Variants in GET4 observed in about 807,000 individuals in gnomAD.
GET4 encodes guided entry of tail-anchored proteins factor 4, also known as Golgi to ER traffic protein 4 homolog.
GET4 carries 20 observed loss-of-function variants against 40.0 expected under a neutral mutation model. The observed-to-expected ratio is 0.50, with a 90% CI of 0.35 to 0.73. The LOEUF (loss-of-function observed/expected upper bound fraction) is 0.73. GET4 is among the 30% of genes least tolerant of loss of function. The pLI, the probability that GET4 is intolerant of heterozygous loss-of-function variation, is 0.01. For synonymous variants in GET4, 280 were observed against 194.6 expected, an observed-to-expected ratio of 1.44 and a Z score of -3.65; for missense variants, 557 against 454.0, an observed-to-expected ratio of 1.23 and a Z score of -2.06.
At chr7:887,215 G>C (rs760139177) in intron 3 of GET4, 155 bp from the exon 4 acceptor site, 3 of 821,070 alleles carry the variant, frequency 3.7e-6, no homozygotes, top group Admixed American at 3.5e-5. Flanking sequence ...GCGGTGGGCA[G>C]CTCAGTGTGG....
At chr7:885,966 C>A in intron 1 of GET4, 90 bp from the exon 2 acceptor site, 1 of 817,828 alleles carries the variant, frequency 1.2e-6, no homozygotes, top group Non-Finnish European at 2.1e-6. Flanking sequence ...TTCCTGGGCG[C>A]CTTGTTTTTA....
rs78262483 is a variant in GET4 at position 886,159 on chromosome 7, A to G, written c.234+25A>G. Reference sequence around the variant, plus strand: ...GGTAAGCCGTCTTGCTTCCTCCTGCATCCCTTTCTGCTCCGGGCAGGCAAG... The same window carrying G: ...GGTAAGCCGTCTTGCTTCCTCCTGCGTCCCTTTCTGCTCCGGGCAGGCAAG... On this transcript the variant is annotated intron_variant, in intron 2 of 8. Coordinates refer to ENST00000265857, the MANE Select transcript of GET4 (RefSeq NM_015949.3). 0.015 allele frequency: 22,140 copies of G among 1,481,114 alleles called. 733 individuals are homozygous for G. The East Asian group carries it at 0.15, about 10-fold the overall frequency. 91.7% of individuals were successfully genotyped at this position (1,481,114 alleles called of 1,614,324 possible). A position where few individuals can be genotyped will look rare whatever the true frequency, so the allele number is the denominator to read the frequency against.
chr7:896,085 T>C lies in GET4; in HGVS notation c.*663T>C, dbSNP rs908724767. 1 of 152,260 alleles carries C rather than the reference T, an allele frequency of 6.6e-6. No individual in the cohort carries two copies. The highest frequency in any genetic ancestry group is 1.5e-5 in the Non-Finnish European group (1 of 68,042). The allele number at this position is 152,260 out of a possible 1,614,324, so 9.4% of individuals were successfully genotyped here. A position where few individuals can be genotyped will look rare whatever the true frequency, so the allele number is the denominator to read the frequency against. On this transcript the variant is annotated 3_prime_UTR_variant, in exon 9 of 9. Transcript: ENST00000265857. ...GGTCTCTGTGAGCGCCACGCTGCTG[T>C]GCTGGAAATGCCGCTTTAAAAAGGG...
chr7:878,462 C>T (rs1167030596), intron 1 of GET4: 2 of 444,534 alleles, frequency 4.5e-6, no homozygotes, highest in Non-Finnish European at 9.4e-6. Context: ...CCATGGGGTA[C>T]CTTCTAAACT....
intron 8 of GET4, among the ~76,000 whole-genome samples, chr7:894,656 C>T (rs1844431297): frequency 6.6e-6 from 1 of 152,214 alleles, no homozygotes; most frequent in Non-Finnish European, 1.5e-5. Context: ...GTCGAAACCG[C>T]AGCCTGAGCT....
chr7:883,818 C>A (rs1208128931), intron 1 of GET4: 3 of 992,078 alleles, frequency 3.0e-6, no homozygotes, highest in South Asian at 8.9e-5. Flanking sequence ...GAGGAGAAGC[C>A]GTCCACGTTC....
chr7:877,431 C>T (rs1269822803), intron 1 of GET4, among the ~76,000 whole-genome samples: 2 of 117,006 alleles, frequency 1.7e-5, no homozygotes, highest in Non-Finnish European at 3.7e-5. Context: ...CTCCCCCTGC[C>T]CTCACTCCCG....
At chr7:878,976 A>G (rs868609573) in intron 1 of GET4, among the ~76,000 whole-genome samples, 1 of 149,732 alleles carries the variant, frequency 6.7e-6, no homozygotes, top group Non-Finnish European at 1.5e-5. Flanking sequence ...CCCCACAGAC[A>G]CCCCCCCCCG....
chr7:893,289 G>C (rs1476628683), intron 6 of GET4, among the ~76,000 whole-genome samples: 1 of 139,082 alleles, frequency 7.2e-6, no homozygotes, highest in Admixed American at 7.1e-5. Context: ...GCAGGTGAGT[G>C]TTGGGCGCGG....
intron 3 of GET4, 72 bp downstream of exon 3, chr7:886,722 CTG>C (rs1416588837): frequency 4.1e-5 from 41 of 996,878 alleles, no homozygotes; most frequent in Middle Eastern, 3.0e-4. Flanking sequence ...GGTCTCTGCG[CTG>C]TGTTTCGTGT....
At chr7:882,675 C>T (rs1023433347) in intron 1 of GET4, 2 of 152,370 alleles carry the variant, frequency 1.3e-5, no homozygotes, top group Non-Finnish European at 2.9e-5. Flanking sequence ...TTGTGGGCGG[C>T]CGACCTTGCC....
rs1456240582 is a variant in GET4 at position 886,116 on chromosome 7, C to G, written c.216C>G (p.Leu72=). Reference sequence around the variant, plus strand: ...AGCTCATGTACTCGGGAGCCCTGCTCTTCTTCAGCCATGGCCAGGTAAGCC... The same window carrying G: ...AGCTCATGTACTCGGGAGCCCTGCTGTTCTTCAGCCATGGCCAGGTAAGCC... The part of the protein sequence containing the change: ...ARELMYSGAL[L]FFSHGQQNSA... The change falls in exon 2 of 9, where the codon CTC becomes CTG. Residue 72 remains leucine, a synonymous_variant. Transcript: ENST00000265857. 6.2e-7 allele frequency: 1 copy of G among 1,607,574 alleles called. No homozygotes were observed. Among genetic ancestry groups the G allele is most frequent in the South Asian group, 1.1e-5 (1 of 90,996 alleles).
At chr7:878,821 C>T (rs554645270) in intron 1 of GET4, among the ~76,000 whole-genome samples, 29 of 152,296 alleles carry the variant, frequency 1.9e-4, no homozygotes, top group African/African-American at 6.7e-4. Flanking sequence ...CCTCGCGATC[C>T]GCCCACCTCG....
chr7:894,954 G>A (rs1017447592), intron 8 of GET4, among the ~76,000 whole-genome samples: 2 of 152,112 alleles, frequency 1.3e-5, no homozygotes, highest in Non-Finnish European at 2.9e-5. Flanking sequence ...GTGCTCTACA[G>A]CCCCACTTCT....
In GET4 at chr7:886,627, T is replaced by C. The variant is rs762553407; in HGVS notation, c.293T>C (p.Val98Ala). 6.2e-7 allele frequency: 1 copy of C among 1,612,378 alleles called. No homozygotes were observed. Among genetic ancestry groups the C allele is most frequent in the Admixed American group, 1.7e-5 (1 of 60,018 alleles). Reference sequence around the variant, plus strand: ...CTGGAGTCCCTGGAGAAGGCGGAAGTGGAGGTGGCTGACGAGCTGCTGGGT... The same window carrying C: ...CTGGAGTCCCTGGAGAAGGCGGAAGCGGAGGTGGCTGACGAGCTGCTGGGT... ...LVLESLEKAEVEVADELLENL... is the reference protein window; with the variant it reads ...LVLESLEKAEAEVADELLENL... The change falls in exon 3 of 9, where the codon GTG (valine) becomes GCG (alanine). Residue 98 changes from valine to alanine, a missense_variant. Coordinates refer to ENST00000265857, the MANE Select transcript of GET4 (RefSeq NM_015949.3).
intron 1 of GET4, among the ~76,000 whole-genome samples, chr7:877,509 C>G (rs1843986390): frequency 1.2e-5 from 1 of 84,540 alleles, no homozygotes; most frequent in African/African-American, 5.0e-5. Flanking sequence ...CCCCCCGTCT[C>G]TCTCTCTTCC....
chr7:893,270 G>A (rs1208881834), intron 6 of GET4, among the ~76,000 whole-genome samples: 1 of 137,040 alleles, frequency 7.3e-6, no homozygotes, highest in African/African-American at 2.8e-5. Flanking sequence ...CGCGGGCGCG[G>A]TGGTGTGTGC....
rs61747650 is a variant in GET4, at chr7:893,904, C to G, written c.828C>G (p.Leu276=). 6,750 of 1,612,116 alleles carry G rather than the reference C, an allele frequency of 4.2e-3. 240 individuals carry two copies. In the African/African-American group the frequency reaches 0.079, roughly 19 times the overall value. The change falls in exon 8 of 9, where the codon CTC becomes CTG. Residue 276 remains leucine (L), a synonymous_variant. Transcript: ENST00000265857. ...LRRDPMYNEY[L]DRIGQLFFGV... is the part of the protein sequence containing the mutation. ...CCGCTGCCTGTGCCTTGCAGTACCT[C>G]GACCGCATAGGACAGCTGTTCTTCG...
At chr7:894,462 TAGTGGGA>T (rs1844424537) in intron 8 of GET4, among the ~76,000 whole-genome samples, 1 of 152,186 alleles carries the variant, frequency 6.6e-6, no homozygotes, top group Non-Finnish European at 1.5e-5. Flanking sequence ...GGGTTTATTT[TAGTGGGA>T]GGTGTGAGGT....
Sources: allele counts gnomAD v4.1 joint callset (sites outside exome capture counted in the v4.1 genomes callset), GRCh38; gene constraint gnomAD v4.1.1; transcripts MANE v1.5; gene names NCBI Gene and HGNC (gene_info 2026-07-23, HGNC 2026-07-21).